Variants in CELF2 observed in about 807,000 individuals in gnomAD.
CELF2 encodes the protein CUGBP Elav-like family member 2, also known as CUG triplet repeat RNA-binding protein 2.
In CELF2, 8 loss-of-function variants were observed where a neutral mutation model predicts 62.6. The ratio of observed to expected loss-of-function variants is 0.13; its 90% CI spans 0.07 to 0.23. The LOEUF (loss-of-function observed/expected upper bound fraction) is 0.23. CELF2 is among the 10% of genes least tolerant of loss of function. The pLI is 1.00. For synonymous variants in CELF2, 258 were observed against 250.0 expected (o/e 1.03, Z -0.30); for missense variants, 333 against 671.0 (o/e 0.50, Z 5.56).
intron 1 of CELF2, among the ~76,000 whole-genome samples, chr10:10,842,866 C>T (rs2058769650): frequency 6.6e-6 from 1 of 152,004 alleles, no homozygotes; most frequent in African/African-American, 2.4e-5. Flanking sequence ...GGAGAATTGG[C>T]ATTATTTCTT....
chr10:11,228,992 A>C (rs1354673153), intron 3 of CELF2, among the ~76,000 whole-genome samples: 2 of 152,212 alleles, frequency 1.3e-5, no homozygotes, highest in Admixed American at 6.5e-5. Context: ...GCAGGAAAGT[A>C]GGCCGGATGG....
intron 1 of CELF2, among the ~76,000 whole-genome samples, chr10:11,065,444 T>A (rs916820362): frequency 2.0e-5 from 3 of 152,148 alleles, no homozygotes; most frequent in African/African-American, 7.2e-5. Flanking sequence ...TAGAAATAAA[T>A]GCGGTACACT....
Position 10,984,612 on chromosome 10 carries a change from A to G in CELF2, c.89+64613A>G, listed in dbSNP as rs148913096. ...TGTACTCAAGCGGTCTTCAGGTAGC[A>G]TGCATGCCCTCCCTTTAAAGAAACT... On this transcript the variant is annotated intron_variant, in intron 2 of 13. Transcript: ENST00000636488. Among the ~76,000 whole-genome samples, 74 of 152,332 alleles carry G rather than the reference A, an allele frequency of 4.9e-4. 1 individual carries two copies. In the East Asian group the frequency reaches 0.011, roughly 22 times the overall value.
the CELF2 span, among the ~76,000 whole-genome samples, chr10:10,469,638 G>A: frequency 4.6e-5 from 7 of 151,890 alleles, no homozygotes; most frequent in Admixed American, 1.3e-4. Flanking sequence ...GTGTGGCATT[G>A]GAGTAATACT....
At chr10:10,467,691 C>A in the CELF2 span, among the ~76,000 whole-genome samples, 111 of 152,074 alleles carry the variant, frequency 7.3e-4, 1 homozygote, top group East Asian at 0.019. Flanking sequence ...ATTGAGTCCT[C>A]CATCCATAAA....
In CELF2 at chr10:11,197,061, A is replaced by AGAAAGAAAG. The variant is rs1565233839; in HGVS notation, c.272-20354_272-20346dup. On this transcript the variant is annotated intron_variant, in intron 2 of 12. Coordinates refer to ENST00000633077, the MANE Select transcript of CELF2 (RefSeq NM_001326342.2). ...AGAAAGAAAGAAAGAAAGAAAGAAA[A>AGAAAGAAAG]GAAAGAAAGGAAAGAAAGAAAGAAG... Among the ~76,000 whole-genome samples, 9 of 114,810 alleles carry AGAAAGAAAG rather than the reference A, an allele frequency of 7.8e-5. 1 individual carries two copies. Among genetic ancestry groups the AGAAAGAAAG allele is most frequent in the African/African-American group, 3.0e-4 (8 of 26,240 alleles). The allele number at this position is 114,810 out of a possible 152,430, so 75.3% of individuals were successfully genotyped here.
At chr10:11,118,241 C>G (rs2143854581) in intron 1 of CELF2, among the ~76,000 whole-genome samples, 1 of 152,094 alleles carries the variant, frequency 6.6e-6, no homozygotes, top group South Asian at 2.1e-4. Context: ...TATTCTTCAT[C>G]CTGGTTCTCG....
chr10:10,569,765 G>A, the CELF2 span, among the ~76,000 whole-genome samples: 2 of 152,144 alleles, frequency 1.3e-5, no homozygotes, highest in African/African-American at 2.4e-5. Flanking sequence ...CTAGACACTG[G>A]GGAGTCACAA....
the CELF2 span, among the ~76,000 whole-genome samples, chr10:10,647,640 G>A: frequency 1.3e-5 from 2 of 152,174 alleles, no homozygotes; most frequent in Admixed American, 1.3e-4. Context: ...CCTCTGTGAC[G>A]TGATGGAGCA....
chr10:11,230,893 G>T (rs1589464741), intron 3 of CELF2, among the ~76,000 whole-genome samples: 1 of 152,334 alleles, frequency 6.6e-6, no homozygotes, highest in East Asian at 1.9e-4. Flanking sequence ...GAAAGCATCG[G>T]AGTGTAGAGT....
At chr10:10,745,368 A>G in the CELF2 span, among the ~76,000 whole-genome samples, 1 of 151,928 alleles carries the variant, frequency 6.6e-6, no homozygotes, top group Non-Finnish European at 1.5e-5. Flanking sequence ...TTTCAAGGCA[A>G]TTTTCTAGTC....
chr10:10,897,664 G>A (rs780555605), intron 1 of CELF2, among the ~76,000 whole-genome samples: 10 of 152,166 alleles, frequency 6.6e-5, no homozygotes, highest in Non-Finnish European at 1.3e-4. Flanking sequence ...GGTCATCCAG[G>A]AAGGATCCAT....
At chr10:10,986,975 G>A (rs1367908078) in intron 2 of CELF2, among the ~76,000 whole-genome samples, 1 of 152,208 alleles carries the variant, frequency 6.6e-6, no homozygotes, top group South Asian at 2.1e-4. Flanking sequence ...TGCTGTACAA[G>A]TGTATAAACT....
chr10:10,499,603 G>C, the CELF2 span, among the ~76,000 whole-genome samples: 3 of 152,132 alleles, frequency 2.0e-5, no homozygotes, highest in Non-Finnish European at 2.9e-5. Flanking sequence ...CTCCTGGCTG[G>C]GCACAGTGAC....
the CELF2 span, among the ~76,000 whole-genome samples, chr10:10,512,257 G>C: frequency 6.6e-6 from 1 of 152,166 alleles, no homozygotes; most frequent in East Asian, 1.9e-4. Context: ...GGCAACATCT[G>C]TTGTGACAGG....
intron 3 of CELF2, among the ~76,000 whole-genome samples, chr10:11,229,849 C>T (rs1015503631): frequency 1.3e-5 from 2 of 152,194 alleles, no homozygotes; most frequent in Admixed American, 1.3e-4. Flanking sequence ...CTCAGCCTCT[C>T]AAAGAGCTGG....
chr10:10,651,014 G>A, the CELF2 span, among the ~76,000 whole-genome samples: 71 of 151,990 alleles, frequency 4.7e-4, no homozygotes, highest in African/African-American at 1.2e-3. Context: ...GTGGGTGCGC[G>A]CACCGTGCGC....
chr10:11,132,167 G>T (rs1478713162), intron 1 of CELF2, among the ~76,000 whole-genome samples: 3 of 152,194 alleles, frequency 2.0e-5, no homozygotes, highest in African/African-American at 7.2e-5. Context: ...CAATTTTGCT[G>T]CCAATTAAAC....
chr10:11,045,302 T>G (rs1050294480), intron 1 of CELF2, among the ~76,000 whole-genome samples: 8 of 152,262 alleles, frequency 5.3e-5, no homozygotes, highest in African/African-American at 1.9e-4. Context: ...GGGGTCTCAT[T>G]AAGTTGCTCA....
Sources: gnomAD v4.1 joint callset for allele counts (sites outside exome capture counted in the v4.1 genomes callset) on GRCh38, gnomAD v4.1.1 for gene constraint, MANE v1.5 for transcripts, NCBI Gene and HGNC (gene_info 2026-07-23, HGNC 2026-07-21) for gene names.